GTF2B: variants seen among roughly 807,000 people sequenced by gnomAD.
GTF2B encodes the protein general transcription factor IIB, also known as transcription initiation factor IIB.
A neutral mutation model predicts 34.6 loss-of-function variants in GTF2B; 20 were observed. The observed-to-expected ratio is 0.58, with a 90% CI of 0.41 to 0.84. The LOEUF (loss-of-function observed/expected upper bound fraction) is 0.84. Ranked by LOEUF, GTF2B falls within the 40% of genes least tolerant of loss-of-function variation. The probability of loss-of-function intolerance (pLI) is 0.00; values close to 1 mark genes in which losing one functional copy is unlikely to be tolerated. For missense variants in GTF2B, 237 were observed against 393.3 expected (o/e 0.60, Z 3.36); for synonymous variants, 142 against 132.4 (o/e 1.07, Z -0.50).
chr1:88,855,525 G>C (rs764451282), intron 6 of GTF2B, among the ~76,000 whole-genome samples: 7 of 151,972 alleles, frequency 4.6e-5, no homozygotes, highest in Non-Finnish European at 8.8e-5. Context: ...GCTGATTTTT[G>C]TATTTTTAGT....
In GTF2B at chr1:88,864,237, G is replaced by A. The variant is rs150604311; in HGVS notation, c.125-123C>T. The stretch of plus-strand genomic sequence containing the variant: ...TCTCAACATGGACATCTAGGACCAA[G>A]CTTAAATATCACATTTCAGACATTT... On this transcript the variant is annotated intron_variant, in intron 2 of 6. Coordinates refer to ENST00000370500, the MANE Select transcript of GTF2B (RefSeq NM_001514.6). The A allele has an allele frequency of 7.2e-5, 55 of 769,160 alleles. 1 individual carries two copies. In the East Asian group the frequency reaches 1.4e-3, roughly 19 times the overall value. 47.6% of individuals were successfully genotyped at this position (769,160 alleles called of 1,614,324 possible). A position where few individuals can be genotyped will look rare whatever the true frequency, so the allele number is the denominator to read the frequency against.
At chr1:88,874,827 G>A (rs973417202) in intron 2 of GTF2B, among the ~76,000 whole-genome samples, 21 of 151,848 alleles carry the variant, frequency 1.4e-4, no homozygotes, top group East Asian at 1.9e-4. Flanking sequence ...TACAAACTAC[G>A]TATGTTGTTA....
chr1:88,871,920 A>C (rs1004725712), intron 2 of GTF2B, among the ~76,000 whole-genome samples: 2 of 151,796 alleles, frequency 1.3e-5, no homozygotes, highest in Non-Finnish European at 2.9e-5. Flanking sequence ...TTTAGTAGAG[A>C]CAGGGTTTCA....
intron 6 of GTF2B, among the ~76,000 whole-genome samples, chr1:88,855,859 T>C (rs1446130868): frequency 1.3e-5 from 2 of 152,264 alleles, no homozygotes; most frequent in Admixed American, 6.5e-5. Context: ...TTTTGCCATG[T>C]TGGCCAGGAG....
intron 2 of GTF2B, among the ~76,000 whole-genome samples, chr1:88,867,854 T>G (rs1002146783): frequency 1.3e-5 from 2 of 152,164 alleles, no homozygotes; most frequent in Non-Finnish European, 2.9e-5. Flanking sequence ...AGCGCAACAC[T>G]GGGTGGTGAT....
At chr1:88,867,062 T>G (rs1333966795) in intron 2 of GTF2B, among the ~76,000 whole-genome samples, 2 of 152,236 alleles carry the variant, frequency 1.3e-5, no homozygotes, top group Non-Finnish European at 2.9e-5. Flanking sequence ...ATTGTCATTG[T>G]GCACTGAAAC....
At chr1:88,871,820 C>T (rs1253768492) in intron 2 of GTF2B, among the ~76,000 whole-genome samples, 1 of 152,148 alleles carries the variant, frequency 6.6e-6, no homozygotes, top group Admixed American at 6.5e-5. Flanking sequence ...CAACCTCCGC[C>T]TTGCAGGTTC....
At chr1:88,869,734 T>C (rs908813584) in intron 2 of GTF2B, among the ~76,000 whole-genome samples, 1 of 152,056 alleles carries the variant, frequency 6.6e-6, no homozygotes, top group African/African-American at 2.4e-5. Context: ...TTCAAGTAAT[T>C]CTCCTGCCTC....
intron 3 of GTF2B, 148 bp downstream of exon 3, chr1:88,863,833 C>A: frequency 1.5e-6 from 1 of 670,236 alleles, no homozygotes; most frequent in Admixed American, 2.4e-5. Flanking sequence ...ACAAGTTAGC[C>A]ATCATTCACA....
rs139474160 is a variant in GTF2B at position 88,874,243 on chromosome 1, T to C, written c.125-10129A>G. On this transcript the variant is annotated intron_variant, in intron 2 of 6. Transcript: ENST00000370500. ...AAATACTGAGGAGGGTCTGATTTTCTAGCCTGACCTAGACTCTTAAGAGTG... is the reference window on the plus strand; with the variant it reads ...AAATACTGAGGAGGGTCTGATTTTCCAGCCTGACCTAGACTCTTAAGAGTG... Among the ~76,000 whole-genome samples, 1,122 of 152,292 alleles carry C rather than the reference T, an allele frequency of 7.4e-3. 7 individuals carry two copies. Among genetic ancestry groups the C allele is most frequent in the Non-Finnish European group, 0.012 (824 of 68,026 alleles).
intron 3 of GTF2B, among the ~76,000 whole-genome samples, chr1:88,862,398 C>T (rs1386969658): frequency 6.6e-6 from 1 of 152,120 alleles, no homozygotes; most frequent in Non-Finnish European, 1.5e-5. Context: ...AAAAATTAGC[C>T]ATGTGTCGTG....
chr1:88,865,846 A>AAAC (rs1553162625), intron 2 of GTF2B, among the ~76,000 whole-genome samples: 1,664 of 149,118 alleles, frequency 0.011, 27 homozygotes, highest in African/African-American at 0.041. Context: ...ATCTCAAAAA[A>AAAC]AAAACAAAAC....
chr1:88,863,494 G>A (rs571914661), intron 3 of GTF2B, among the ~76,000 whole-genome samples: 7 of 152,064 alleles, frequency 4.6e-5, no homozygotes, highest in South Asian at 2.1e-4. Flanking sequence ...ACAGGTGCCC[G>A]CCACCAAGCC....
chr1:88,885,722 C>T (rs1278959793), intron 2 of GTF2B, among the ~76,000 whole-genome samples: 1 of 152,116 alleles, frequency 6.6e-6, no homozygotes, highest in Non-Finnish European at 1.5e-5. Context: ...TGCACTCCAG[C>T]CTGGGCAACA....
intron 2 of GTF2B, among the ~76,000 whole-genome samples, chr1:88,872,189 C>T (rs182347124): frequency 4.6e-5 from 7 of 152,060 alleles, no homozygotes; most frequent in African/African-American, 1.7e-4. Context: ...TGCGGTGGCT[C>T]ACGCCTGTAA....
At chr1:88,857,753 C>T (rs1673348814) in intron 5 of GTF2B, among the ~76,000 whole-genome samples, 1 of 128,164 alleles carries the variant, frequency 7.8e-6, no homozygotes, top group Non-Finnish European at 1.6e-5. Flanking sequence ...ATGATCTCAG[C>T]TCACTGCAAC....
chr1:88,885,130 T>C (rs1178783747), intron 2 of GTF2B, among the ~76,000 whole-genome samples: 1 of 152,202 alleles, frequency 6.6e-6, no homozygotes. Context: ...AGTGTTGCTA[T>C]ATTCCATTAA....
At chr1:88,869,107 C>T (rs899178048) in intron 2 of GTF2B, among the ~76,000 whole-genome samples, 21 of 151,368 alleles carry the variant, frequency 1.4e-4, no homozygotes, top group African/African-American at 4.9e-4. Context: ...AAAAATACGC[C>T]TGTACTGAAC....
rs777082321 is a variant in GTF2B, at chr1:88,860,319, T to A, written c.259-33A>T. The stretch of plus-strand genomic sequence containing the variant: ...ACAGTTTTATAACTATGAAAAAATT[T>A]TTTGGAAAGCATGAAAAATGGACAA... On this transcript the variant is annotated intron_variant, in intron 3 of 6. Transcript: ENST00000370500. 14 of 1,560,552 alleles carry A rather than the reference T, an allele frequency of 9.0e-6. No individual in the cohort carries two copies. In the African/African-American group the frequency reaches 1.6e-4, roughly 18 times the overall value.
Sources: gnomAD v4.1 joint callset for allele counts (sites outside exome capture counted in the v4.1 genomes callset) on GRCh38, gnomAD v4.1.1 for gene constraint, MANE v1.5 for transcripts, NCBI Gene and HGNC (gene_info 2026-07-23, HGNC 2026-07-21) for gene names.